The following GABBR2 variants were observed in gnomAD, a reference collection of about 807,000 sequenced individuals.
The protein encoded by GABBR2 is gamma-aminobutyric acid type B receptor subunit 2, also known as G-protein coupled receptor 51.
A neutral mutation model predicts 105.6 loss-of-function variants in GABBR2; 23 were observed. The observed-to-expected ratio is 0.22, with a 90% CI of 0.16 to 0.31. The LOEUF is 0.31. GABBR2 is among the 10% of genes least tolerant of loss of function. GABBR2 has a pLI of 1.00. For synonymous variants in GABBR2, 478 were observed against 499.7 expected, an observed-to-expected ratio of 0.96 and a Z score of 0.58; for missense variants, 734 against 1,245.5, an observed-to-expected ratio of 0.59 and a Z score of 6.18.
chr9:98,352,371 G>A (rs993812022), intron 13 of GABBR2, among the ~76,000 whole-genome samples: 3 of 152,218 alleles, frequency 2.0e-5, no homozygotes, highest in African/African-American at 4.8e-5. Flanking sequence ...GGTGGCAGAA[G>A]AGGTGGCTGG....
intron 7 of GABBR2, among the ~76,000 whole-genome samples, chr9:98,437,554 T>C (rs1358871514): frequency 6.6e-6 from 1 of 151,132 alleles, no homozygotes; most frequent in Non-Finnish European, 1.5e-5. Context: ...TCTACACATC[T>C]ATCCTTTCAT....
intron 7 of GABBR2, among the ~76,000 whole-genome samples, chr9:98,442,483 C>T (rs575064339): frequency 6.6e-6 from 1 of 152,252 alleles, no homozygotes; most frequent in South Asian, 2.1e-4. Context: ...TCTCTACTCA[C>T]TAGCTCTGTC....
intron 13 of GABBR2, among the ~76,000 whole-genome samples, chr9:98,356,559 G>A (rs1831487150): frequency 6.6e-6 from 1 of 152,312 alleles, no homozygotes; most frequent in East Asian, 1.9e-4. Context: ...TTCATTGCTC[G>A]TGGGTTTGCA....
chr9:98,377,781 G>T (rs1017972165), intron 11 of GABBR2, among the ~76,000 whole-genome samples: 2 of 152,118 alleles, frequency 1.3e-5, no homozygotes, highest in Admixed American at 6.5e-5. Flanking sequence ...GGAGTTGGGG[G>T]TGGGGAGGCC....
chr9:98,523,011 C>T (rs1458102212), intron 3 of GABBR2, among the ~76,000 whole-genome samples: 2 of 152,032 alleles, frequency 1.3e-5, no homozygotes, highest in Non-Finnish European at 1.5e-5. Flanking sequence ...AAGTAGAAGA[C>T]CGATATTTTA....
chr9:98,607,330 T>G, intron 1 of GABBR2: 1 of 771,546 alleles, frequency 1.3e-6, no homozygotes, highest in South Asian at 1.4e-5. Flanking sequence ...CATTGCTCCT[T>G]CAGGACATGG....
At chr9:98,457,629 T>G (rs56386936) in intron 6 of GABBR2, among the ~76,000 whole-genome samples, 33,220 of 152,056 alleles carry the variant, frequency 0.22, 3,957 homozygotes, top group East Asian at 0.52. Flanking sequence ...CAGATTTCTG[T>G]GGGTAGAGTC....
Position 98,473,287 on chromosome 9 carries a change from C to T in GABBR2, c.858G>A (p.Glu286=). Residue 286 remains glutamate, a synonymous_variant, in exon 6 of 19, where the codon GAG becomes GAA. Coordinates refer to ENST00000259455, the MANE Select transcript of GABBR2 (RefSeq NM_005458.8). ...KYQWIIPGWY[E]PSWWEQVHTE... ...TGTGCACCTGCTCCCACCAAGAAGG[C>T]TCGTACCAGCCCGGAATGATCCACT... 1 of 1,613,776 alleles carries T rather than the reference C, an allele frequency of 6.2e-7. No individual in the cohort carries two copies. Among genetic ancestry groups the T allele is most frequent in the South Asian group, 1.1e-5 (1 of 91,030 alleles).
chr9:98,633,741 G>A (rs1026320637), intron 1 of GABBR2, among the ~76,000 whole-genome samples: 3 of 152,270 alleles, frequency 2.0e-5, no homozygotes, highest in South Asian at 2.1e-4. Context: ...GAGCCAGGGC[G>A]GGGAGGGACG....
intron 5 of GABBR2, among the ~76,000 whole-genome samples, chr9:98,476,974 G>GC (rs2131636884): frequency 6.6e-6 from 1 of 152,228 alleles, no homozygotes; most frequent in East Asian, 1.9e-4. Flanking sequence ...ATTGTCTAAT[G>GC]CAACTGTGGA....
intron 1 of GABBR2, among the ~76,000 whole-genome samples, chr9:98,622,531 C>G (rs1030684840): frequency 6.6e-5 from 10 of 152,078 alleles, no homozygotes; most frequent in African/African-American, 2.2e-4. Flanking sequence ...GTACTGCAGT[C>G]TAGGCAAGTT....
chr9:98,396,806 A>G (rs1408427288), intron 8 of GABBR2, among the ~76,000 whole-genome samples: 1 of 152,202 alleles, frequency 6.6e-6, no homozygotes, highest in Non-Finnish European at 1.5e-5. Context: ...CCGGCCACAC[A>G]GCCTGCCCCT....
At chr9:98,611,205 AC>A (rs1829500882) in intron 1 of GABBR2, among the ~76,000 whole-genome samples, 1 of 151,980 alleles carries the variant, frequency 6.6e-6, no homozygotes, top group Middle Eastern at 3.4e-3. Context: ...GATCAATGCC[AC>A]CCCCTGCCTC....
intron 7 of GABBR2, among the ~76,000 whole-genome samples, chr9:98,413,566 T>C (rs541354565): frequency 4.6e-5 from 7 of 152,220 alleles, no homozygotes; most frequent in Non-Finnish European, 7.3e-5. Context: ...TCAGGAATGT[T>C]TGATGCACTC....
At chr9:98,668,836 CAT>C in intron 1 of GABBR2, among the ~76,000 whole-genome samples, 1 of 152,086 alleles carries the variant, frequency 6.6e-6, no homozygotes, top group East Asian at 1.9e-4. Context: ...CATGTTGTAG[CAT>C]ATGTCTGAAT....
intron 2 of GABBR2, among the ~76,000 whole-genome samples, chr9:98,567,865 C>T (rs1828773324): frequency 6.6e-6 from 1 of 152,178 alleles, no homozygotes; most frequent in South Asian, 2.1e-4. Flanking sequence ...GCCTCTTTGC[C>T]ATGTCTCCCT....
rs1210548304 is a variant in GABBR2 at position 98,388,145 on chromosome 9, T to G, written c.1529+709A>C. On this transcript the variant is annotated intron_variant, in intron 10 of 18. Coordinates refer to ENST00000259455, the MANE Select transcript of GABBR2 (RefSeq NM_005458.8). This position sits in a 1 kb window ranked among gnomAD's most constrained non-coding sequence, Gnocchi z 4.4. ...AAAACCACCGCCTGGAGTGGCGGCC[T>G]GTTCTACCCATGACTGACCAGAATA... is the stretch of plus-strand genomic sequence containing the variant. Among the ~76,000 whole-genome samples the G allele has an allele frequency of 1.3e-5, 2 of 152,212 alleles. No homozygotes were observed. Among genetic ancestry groups the G allele is most frequent in the Admixed American group, 6.5e-5 (1 of 15,286 alleles).
At chr9:98,652,385 C>T (rs1830120715) in intron 1 of GABBR2, among the ~76,000 whole-genome samples, 1 of 152,164 alleles carries the variant, frequency 6.6e-6, no homozygotes, top group Non-Finnish European at 1.5e-5. Flanking sequence ...TTGCAGGGTG[C>T]TTGTCAGCAG....
At chr9:98,396,543 C>T (rs924904215) in intron 8 of GABBR2, among the ~76,000 whole-genome samples, 3 of 152,202 alleles carry the variant, frequency 2.0e-5, no homozygotes, top group East Asian at 1.9e-4. Context: ...CATCACACTG[C>T]GCAAGCGGCT....
Sources: gnomAD v4.1 joint callset for allele counts (sites outside exome capture counted in the v4.1 genomes callset) on GRCh38, gnomAD v4.1.1 for gene constraint, Gnocchi (gnomAD v3.1) non-coding constraint, MANE v1.5 for transcripts, NCBI Gene and HGNC (gene_info 2026-07-23, HGNC 2026-07-21) for gene names.